Variants in PLXDC2 observed in about 807,000 individuals in gnomAD.
PLXDC2 encodes the protein plexin domain-containing protein 2.
In PLXDC2, 40 loss-of-function variants were observed where a neutral mutation model predicts 68.9. The ratio of observed to expected loss-of-function variants is 0.58; its 90% CI spans 0.45 to 0.76. PLXDC2 has a LOEUF of 0.76. PLXDC2 is among the 30% of genes least tolerant of loss of function. PLXDC2 has a pLI of 0.00. For synonymous variants in PLXDC2, 243 were observed against 234.2 expected (o/e 1.04, Z -0.34); for missense variants, 644 against 661.9 (o/e 0.97, Z 0.30).
At chr10:20,107,212 G>A (rs1014366177) in intron 4 of PLXDC2, among the ~76,000 whole-genome samples, 17 of 151,894 alleles carry the variant, frequency 1.1e-4, no homozygotes, top group East Asian at 7.8e-4. Flanking sequence ...CCATAGGATA[G>A]CATCTATTAC....
intron 1 of PLXDC2, among the ~76,000 whole-genome samples, chr10:19,863,629 C>T (rs12572398): frequency 0.079 from 12,054 of 152,068 alleles, 612 homozygotes; most frequent in South Asian, 0.12. Flanking sequence ...ACTTAGTACC[C>T]GAAAGAAACA....
chr10:20,106,113 C>T (rs1010771991), intron 4 of PLXDC2, among the ~76,000 whole-genome samples: 1 of 152,136 alleles, frequency 6.6e-6, no homozygotes, highest in African/African-American at 2.4e-5. Context: ...ATGATCATGG[C>T]CTTGTTAACC....
chr10:20,204,631 T>G (rs1834965948), intron 9 of PLXDC2, among the ~76,000 whole-genome samples: 1 of 152,186 alleles, frequency 6.6e-6, no homozygotes, highest in Non-Finnish European at 1.5e-5. Context: ...CAGAGCTTTG[T>G]TTTTACATAT....
At chr10:20,169,059 ATC>A (rs1327885270) in intron 7 of PLXDC2, among the ~76,000 whole-genome samples, 2 of 152,286 alleles carry the variant, frequency 1.3e-5, no homozygotes, top group East Asian at 3.9e-4. Context: ...TAAGAAATTT[ATC>A]TGTTTCATAA....
chr10:20,044,492 C>T (rs1043150842), intron 2 of PLXDC2, among the ~76,000 whole-genome samples: 6 of 151,440 alleles, frequency 4.0e-5, no homozygotes, highest in African/African-American at 7.3e-5. Context: ...GTATTTATAG[C>T]GGAGACGGGG....
chr10:20,165,706 C>T (rs1177914812), intron 7 of PLXDC2, among the ~76,000 whole-genome samples: 2 of 152,068 alleles, frequency 1.3e-5, no homozygotes, highest in African/African-American at 2.4e-5. Flanking sequence ...CTACCTACCA[C>T]GAGAGAAGAT....
At chr10:20,066,691 C>T (rs777060916) in intron 3 of PLXDC2, among the ~76,000 whole-genome samples, 1 of 152,120 alleles carries the variant, frequency 6.6e-6, no homozygotes, top group African/African-American at 2.4e-5. Flanking sequence ...AAAAAGAAAA[C>T]CTAATTGAAA....
At chr10:20,204,887 G>A (rs942386237) in intron 9 of PLXDC2, among the ~76,000 whole-genome samples, 2 of 152,018 alleles carry the variant, frequency 1.3e-5, no homozygotes, top group African/African-American at 4.8e-5. Context: ...TTTCTAATGG[G>A]GTCTTAAGAT....
chr10:19,929,294 T>C (rs1185531947), intron 1 of PLXDC2, among the ~76,000 whole-genome samples: 1 of 152,018 alleles, frequency 6.6e-6, no homozygotes, highest in African/African-American at 2.4e-5. Context: ...ACTGGGGAAC[T>C]CAAATGGGAC....
chr10:20,116,800 C>A (rs951848988), intron 4 of PLXDC2, among the ~76,000 whole-genome samples: 1 of 152,190 alleles, frequency 6.6e-6, no homozygotes, highest in Middle Eastern at 3.4e-3. Context: ...TTCAGTCTTA[C>A]AAAAATTTTT....
chr10:20,004,879 G>C (rs1309749134), intron 2 of PLXDC2, among the ~76,000 whole-genome samples: 1 of 152,180 alleles, frequency 6.6e-6, no homozygotes, highest in Non-Finnish European at 1.5e-5. Context: ...TCAGTAAAAA[G>C]AGGGCAGAAG....
At chr10:20,214,547 C>T (rs1835111276) in intron 10 of PLXDC2, among the ~76,000 whole-genome samples, 1 of 152,164 alleles carries the variant, frequency 6.6e-6, no homozygotes, top group Admixed American at 6.5e-5. Context: ...TTAATGTATA[C>T]AGCTCCTACT....
intron 1 of PLXDC2, among the ~76,000 whole-genome samples, chr10:19,828,989 C>A (rs190637757): frequency 3.3e-5 from 5 of 152,190 alleles, no homozygotes; most frequent in Admixed American, 2.0e-4. Flanking sequence ...TCTGTTGGAA[C>A]CACTCCTGTG....
intron 6 of PLXDC2, among the ~76,000 whole-genome samples, chr10:20,148,882 A>T (rs1366895020): frequency 1.3e-5 from 2 of 152,244 alleles, no homozygotes; most frequent in African/African-American, 2.4e-5. Flanking sequence ...CATCTATTCC[A>T]TAAAGTGCGG....
intron 1 of PLXDC2, among the ~76,000 whole-genome samples, chr10:19,898,731 G>T (rs1382335429): frequency 6.6e-6 from 1 of 152,072 alleles, no homozygotes; most frequent in African/African-American, 2.4e-5. Context: ...AAAATCCAGC[G>T]TACTTAGTTA....
chr10:19,882,489 C>G (rs1410508461), intron 1 of PLXDC2, among the ~76,000 whole-genome samples: 1 of 152,184 alleles, frequency 6.6e-6, no homozygotes, highest in African/African-American at 2.4e-5. Flanking sequence ...GGGCCAACAA[C>G]TGGTAGACCC....
chr10:20,119,689 A>G (rs1400858402), intron 4 of PLXDC2, among the ~76,000 whole-genome samples: 1 of 151,992 alleles, frequency 6.6e-6, no homozygotes, highest in Admixed American at 6.6e-5. Flanking sequence ...GATGGTATGG[A>G]GAGATAATGG....
chr10:20,135,750 T>C (rs543317516), intron 4 of PLXDC2, among the ~76,000 whole-genome samples: 32 of 152,274 alleles, frequency 2.1e-4, no homozygotes, highest in South Asian at 8.3e-4. Context: ...GTTGCTTTTT[T>C]CCCCCAAGGA....
chr10:19,920,476 A>C (rs1320013628), intron 1 of PLXDC2, among the ~76,000 whole-genome samples: 1 of 152,252 alleles, frequency 6.6e-6, no homozygotes, highest in Non-Finnish European at 1.5e-5. Context: ...GCTGGATGTC[A>C]AGAGGAATGC....
Sources: allele counts gnomAD v4.1 joint callset (sites outside exome capture counted in the v4.1 genomes callset), GRCh38; gene constraint gnomAD v4.1.1; transcripts MANE v1.5; gene names NCBI Gene and HGNC (gene_info 2026-07-23, HGNC 2026-07-21).